CEP350: variants seen among roughly 807,000 people sequenced by gnomAD.
CEP350 encodes centrosome-associated protein 350.
In CEP350, 126 loss-of-function variants were observed where a neutral mutation model predicts 331.8. The observed-to-expected ratio is 0.38, with a 90% CI of 0.33 to 0.44. The LOEUF (loss-of-function observed/expected upper bound fraction) is 0.44, where lower values mean the gene tolerates loss of function less well. CEP350 is among the 20% of genes least tolerant of loss of function. CEP350 has a pLI of 1.00. For missense variants in CEP350, 3,406 were observed against 3,634.6 expected (o/e 0.94, Z 1.62); for synonymous variants, 1,200 against 1,259.5 (o/e 0.95, Z 1.00).
chr1:179,965,005 A>T (rs1305057885), intron 1 of CEP350, among the ~76,000 whole-genome samples: 1 of 151,586 alleles, frequency 6.6e-6, no homozygotes, highest in East Asian at 1.9e-4. Flanking sequence ...TGTCAATTTG[A>T]TATCTTACTG....
intron 32 of CEP350, among the ~76,000 whole-genome samples, chr1:180,089,925 G>C (rs1015443858): frequency 2.0e-4 from 30 of 152,178 alleles, no homozygotes; most frequent in African/African-American, 6.5e-4. Context: ...CAACATTTTA[G>C]GGCATTGTAA....
chr1:179,968,728 A>G, intron 1 of CEP350: 2 of 588,492 alleles, frequency 3.4e-6, no homozygotes, highest in Non-Finnish European at 6.5e-6. Flanking sequence ...CTTAGATGGC[A>G]CCAGCCTTGA....
At chr1:180,067,408 G>T (rs1303452829) in intron 27 of CEP350, among the ~76,000 whole-genome samples, 2 of 152,196 alleles carry the variant, frequency 1.3e-5, no homozygotes, top group Non-Finnish European at 2.9e-5. Flanking sequence ...TGAGGATGAG[G>T]CCGGGCCTGG....
intron 1 of CEP350, among the ~76,000 whole-genome samples, chr1:179,985,821 G>T (rs1226167409): frequency 3.3e-5 from 5 of 152,166 alleles, no homozygotes; most frequent in African/African-American, 1.2e-4. Context: ...GGATTATGGA[G>T]ATTACAATTC....
At chr1:180,068,543 A>G (rs1426828110) in intron 27 of CEP350, among the ~76,000 whole-genome samples, 3 of 152,200 alleles carry the variant, frequency 2.0e-5, no homozygotes, top group Admixed American at 2.0e-4. Flanking sequence ...GCCTATAAAC[A>G]TGAAACAGAT....
At chr1:180,069,005 T>A (rs1571951823) in intron 27 of CEP350, among the ~76,000 whole-genome samples, 1 of 152,190 alleles carries the variant, frequency 6.6e-6, no homozygotes, top group African/African-American at 2.4e-5. Flanking sequence ...TAGGGTTGGA[T>A]TCAAACTCCT....
intron 14 of CEP350, among the ~76,000 whole-genome samples, chr1:180,030,317 A>ATATGTATATATATATACTTATGTG (rs371007302): frequency 1.4e-5 from 2 of 147,392 alleles, no homozygotes; most frequent in African/African-American, 4.9e-5. Flanking sequence ...GTATATATGT[A>ATATGTATATATATATACTTATGTG]TATATATACA....
At chr1:180,019,580 G>T (rs1172218875) in intron 11 of CEP350, among the ~76,000 whole-genome samples, 1 of 151,950 alleles carries the variant, frequency 6.6e-6, no homozygotes, top group African/African-American at 2.4e-5. Context: ...AATCAGTATT[G>T]TAAGGAATTC....
chr1:180,082,821 T>A (rs749750928), intron 30 of CEP350, among the ~76,000 whole-genome samples: 2 of 152,136 alleles, frequency 1.3e-5, no homozygotes, highest in Non-Finnish European at 2.9e-5. Flanking sequence ...ACTAAGCCTG[T>A]AAGAGTGTAG....
chr1:180,057,306 G>T (rs1001173054), intron 25 of CEP350, among the ~76,000 whole-genome samples: 12 of 151,562 alleles, frequency 7.9e-5, no homozygotes, highest in African/African-American at 2.9e-4. Flanking sequence ...TCACCATGTT[G>T]GCCAGGCTGG....
chr1:179,965,312 T>C (rs568695680), intron 1 of CEP350, among the ~76,000 whole-genome samples: 1 of 152,296 alleles, frequency 6.6e-6, no homozygotes, highest in Admixed American at 6.5e-5. Context: ...GCTTTATGAC[T>C]GAGCTTGTGG....
At chr1:180,066,254 CTA>C (rs1392580598) in intron 27 of CEP350, among the ~76,000 whole-genome samples, 23 of 152,156 alleles carry the variant, frequency 1.5e-4, no homozygotes, top group Non-Finnish European at 2.8e-4. Flanking sequence ...CTTGTGGACT[CTA>C]TTCTTGCCTC....
Position 180,112,932 on chromosome 1 carries a change from TAAGG to T in CEP350, c.*1774_*1777del, listed in dbSNP as rs1661529684. 6.6e-6 allele frequency: 1 copy of T among 152,600 alleles called. No individual in the cohort carries two copies. The highest frequency in any genetic ancestry group is 1.5e-5 in the Non-Finnish European group (1 of 68,020). 9.5% of individuals were successfully genotyped at this position (152,600 alleles called of 1,614,324 possible). On this transcript the variant is annotated 3_prime_UTR_variant, in exon 38 of 38. Transcript: ENST00000367607. Reference sequence around the variant, plus strand: ...GACTGGTATGATAGCTCTTGACAAATAAGGAAAGCACTGAAATGTTGTGATTGGG... The same window carrying T: ...GACTGGTATGATAGCTCTTGACAAATAAAGCACTGAAATGTTGTGATTGGG...
chr1:180,087,829 T>C (rs531558984), intron 32 of CEP350, 112 bp downstream of exon 32: 1 of 1,126,546 alleles, frequency 8.9e-7, no homozygotes, highest in Admixed American at 3.9e-5. Flanking sequence ...AGTAAAAATA[T>C]TATTTTCTAT....
At chr1:179,970,052 G>A (rs1651321570) in intron 1 of CEP350, among the ~76,000 whole-genome samples, 2 of 152,042 alleles carry the variant, frequency 1.3e-5, no homozygotes, top group Non-Finnish European at 2.9e-5. Context: ...TATTTTTAGG[G>A]CTCCCCCCTT....
rs753360987 is a variant in CEP350 at position 180,033,924 on chromosome 1, A to G, written c.3788A>G (p.Gln1263Arg). ...ACTTCTCCCCTGTCACCAAGTTCCCAGAAATCATTGCAGTTTGACGTTGCA... is the reference window on the plus strand; with the variant it reads ...ACTTCTCCCCTGTCACCAAGTTCCCGGAAATCATTGCAGTTTGACGTTGCA... ...TPTSPLSPSS[Q>R]KSLQFDVAGT... The change falls in exon 16 of 38, where the codon CAG (glutamine) becomes CGG (arginine). Residue 1263 changes from glutamine (Q) to arginine (R), a missense_variant. By Grantham distance (43) the Gln-to-Arg change is conservative. This residue lies in a region of CEP350 where 1,857 missense variants were observed against 1,909.2 expected (regional missense o/e 0.97). Transcript: ENST00000367607. 18 of 1,613,942 alleles carry G rather than the reference A, an allele frequency of 1.1e-5. No individual in the cohort carries two copies. The highest frequency in any genetic ancestry group is 1.5e-5 in the Non-Finnish European group (18 of 1,179,834).
rs1322262439 is a variant in CEP350 at position 180,080,562 on chromosome 1, A to G, written c.6025A>G (p.Lys2009Glu). ...ATCTGTGTCAAAGCAGGAGTCTAGC[A>G]AAGGAAGTCATAGGACTGGAGGACA... ...CTSVSKQESSKGSHRTGGQCH... is the reference protein window; with the variant it reads ...CTSVSKQESSEGSHRTGGQCH... Residue 2009 changes from lysine (K) to glutamate (E), a missense_variant, in exon 30 of 38, where the codon AAA (lysine) becomes GAA (glutamate). Lys to Glu is a moderately conservative substitution (Grantham distance 56, BLOSUM62 1). Coordinates refer to ENST00000367607, the MANE Select transcript of CEP350 (RefSeq NM_014810.5). The G allele has an allele frequency of 6.2e-7, 1 of 1,613,878 alleles. No individual in the cohort carries two copies. Among genetic ancestry groups the G allele is most frequent in the Admixed American group, 1.7e-5 (1 of 60,024 alleles).
At chr1:180,030,590 A>G (rs973291494) in intron 14 of CEP350, among the ~76,000 whole-genome samples, 3 of 151,954 alleles carry the variant, frequency 2.0e-5, no homozygotes, top group Non-Finnish European at 4.4e-5. Flanking sequence ...ATTAAGCCCC[A>G]TAGATCTCTA....
chr1:179,958,170 A>T (rs1419892975), intron 1 of CEP350, among the ~76,000 whole-genome samples: 1 of 151,990 alleles, frequency 6.6e-6, no homozygotes, highest in East Asian at 1.9e-4. Context: ...CTTTTTTTTC[A>T]TGAATCCAAA....
Sources: allele counts gnomAD v4.1 joint callset (sites outside exome capture counted in the v4.1 genomes callset), GRCh38; gene constraint gnomAD v4.1.1; regional missense constraint gnomAD v4.1.1; transcripts MANE v1.5; gene names NCBI Gene and HGNC (gene_info 2026-07-23, HGNC 2026-07-21).